Variants in RBM47 observed in about 807,000 individuals in gnomAD.
RBM47 encodes RNA-binding protein 47.
In RBM47, 21 loss-of-function variants were observed where a neutral mutation model predicts 47.1. The ratio of observed to expected loss-of-function variants is 0.45; its 90% CI spans 0.32 to 0.64. The LOEUF is 0.64. RBM47 is among the 30% of genes least tolerant of loss of function. RBM47 has a pLI of 0.05. For synonymous variants in RBM47, 375 were observed against 361.7 expected (o/e 1.04, Z -0.42); for missense variants, 708 against 870.9 (o/e 0.81, Z 2.35).
chr4:40,570,360 G>C (rs1298268611), intron 1 of RBM47, among the ~76,000 whole-genome samples: 1 of 151,800 alleles, frequency 6.6e-6, no homozygotes, highest in African/African-American at 2.4e-5. Flanking sequence ...ATGGGAGACA[G>C]TGACAGATCA....
intron 6 of RBM47, 105 bp downstream of exon 6, chr4:40,432,546 C>G: frequency 6.5e-7 from 1 of 1,546,248 alleles, no homozygotes; most frequent in Non-Finnish European, 8.7e-7. Flanking sequence ...ATAGCTGTAA[C>G]AGAGAGCCAG....
rs1185451149 is a variant in RBM47 at position 40,428,573 on chromosome 4, G to T, written c.1543-2430C>A. Among the ~76,000 whole-genome samples, 3 of 152,180 alleles carry T rather than the reference G, an allele frequency of 2.0e-5. No individual in the cohort carries two copies. In the South Asian group the frequency reaches 6.2e-4, roughly 32 times the overall value. The stretch of plus-strand genomic sequence containing the variant: ...TGTGGACGTAGGTTTAATAACCAGT[G>T]CAAAAAGGGAGAGGAAATGGCAGGG... On this transcript the variant is annotated intron_variant, in intron 6 of 6. Coordinates refer to ENST00000295971, the MANE Select transcript of RBM47 (RefSeq NM_001098634.2).
chr4:40,475,534 A>C (rs952298407), intron 2 of RBM47, among the ~76,000 whole-genome samples: 1 of 152,234 alleles, frequency 6.6e-6, no homozygotes, highest in East Asian at 1.9e-4. Context: ...ACTGTGCAGC[A>C]GTTGAAATTC....
intron 2 of RBM47, among the ~76,000 whole-genome samples, chr4:40,486,698 T>C (rs1364441300): frequency 6.6e-6 from 1 of 152,074 alleles, no homozygotes; most frequent in Non-Finnish European, 1.5e-5. Context: ...GGGGTGAGGG[T>C]TGGGTAGAGG....
intron 1 of RBM47, among the ~76,000 whole-genome samples, chr4:40,622,697 C>T (rs746114402): frequency 1.6e-4 from 24 of 152,164 alleles, no homozygotes; most frequent in Non-Finnish European, 1.6e-4. Flanking sequence ...GCCTGGCCAA[C>T]ATGGTGAAAC....
At chr4:40,586,686 T>C (rs1733620442) in intron 1 of RBM47, among the ~76,000 whole-genome samples, 1 of 150,830 alleles carries the variant, frequency 6.6e-6, no homozygotes, top group Non-Finnish European at 1.5e-5. Context: ...TGGTAATTGA[T>C]GAGCGCTGGC....
intron 3 of RBM47, 65 bp from the exon 4 acceptor site, chr4:40,438,989 C>A: frequency 1.5e-6 from 2 of 1,372,454 alleles, no homozygotes; most frequent in Middle Eastern, 2.6e-4. Context: ...GGTTGTGTTT[C>A]GCAGCCTTGC....
At chr4:40,448,463 G>A (rs1714900890) in intron 3 of RBM47, among the ~76,000 whole-genome samples, 1 of 152,134 alleles carries the variant, frequency 6.6e-6, no homozygotes, top group Non-Finnish European at 1.5e-5. Flanking sequence ...AAAATGTGTT[G>A]ATCCAAGAGA....
intron 1 of RBM47, among the ~76,000 whole-genome samples, chr4:40,580,095 T>A (rs1403145030): frequency 6.6e-6 from 1 of 152,124 alleles, no homozygotes; most frequent in Non-Finnish European, 1.5e-5. Context: ...TTGGTCTAAG[T>A]TCCAACATGC....
rs1738014270 is a variant in RBM47 at position 40,629,275 on chromosome 4, A to G, written c.-240+121T>C. On this transcript the variant is annotated intron_variant, in intron 1 of 6. Transcript: ENST00000295971. ...TATACCAAGAGACAGAAGATGAGTG[A>G]TAGCATGAGGGATAAGAGCTAAAGA... 2.0e-5 allele frequency: 3 copies of G among 152,208 alleles called. No homozygotes were observed. In the South Asian group the frequency reaches 6.2e-4, roughly 32 times the overall value. The allele number at this position is 152,208 out of a possible 1,614,324, so 9.4% of individuals were successfully genotyped here. A position where few individuals can be genotyped will look rare whatever the true frequency, so the allele number is the denominator to read the frequency against.
chr4:40,526,727 C>T (rs1726748558), intron 2 of RBM47, among the ~76,000 whole-genome samples: 1 of 148,406 alleles, frequency 6.7e-6, no homozygotes, highest in South Asian at 2.1e-4. Flanking sequence ...CTTCACTACA[C>T]TTGGCTAATT....
intron 2 of RBM47, among the ~76,000 whole-genome samples, chr4:40,532,757 A>G (rs528347741): frequency 6.7e-6 from 1 of 150,374 alleles, no homozygotes; most frequent in East Asian, 2.0e-4. Flanking sequence ...GATTTTTGAG[A>G]CCCCCTTCAA....
intron 1 of RBM47, among the ~76,000 whole-genome samples, chr4:40,612,297 C>A (rs376139830): frequency 6.6e-6 from 1 of 152,080 alleles, no homozygotes; most frequent in Non-Finnish European, 1.5e-5. Flanking sequence ...TTTGGAAGGC[C>A]GATGTGGGCA....
intron 1 of RBM47, among the ~76,000 whole-genome samples, chr4:40,547,347 C>T (rs1045278084): frequency 6.6e-6 from 1 of 152,152 alleles, no homozygotes; most frequent in African/African-American, 2.4e-5. Context: ...TGCAATATAA[C>T]CAGTGTCTTC....
At chr4:40,588,281 C>T (rs988981985) in intron 1 of RBM47, among the ~76,000 whole-genome samples, 2 of 152,198 alleles carry the variant, frequency 1.3e-5, no homozygotes, top group African/African-American at 4.8e-5. Flanking sequence ...CTTCCCAGGG[C>T]TCTATCATTT....
At chr4:40,535,387 T>TTTCTTTTTTTTTTTTTTTTTTTG (rs1727858469) in intron 2 of RBM47, among the ~76,000 whole-genome samples, 1 of 145,728 alleles carries the variant, frequency 6.9e-6, no homozygotes, top group Admixed American at 6.9e-5. Context: ...TTTTTTTTTT[T>TTTCTTTTTTTTTTTTTTTTTTTG]TTTGAGACGG....
intron 2 of RBM47, among the ~76,000 whole-genome samples, chr4:40,497,793 G>A (rs1722807430): frequency 6.7e-6 from 1 of 150,102 alleles, no homozygotes; most frequent in South Asian, 2.1e-4. Context: ...GGGCAACATA[G>A]GGAGACCCTG....
chr4:40,496,329 AACACACAC>A (rs10597716), intron 2 of RBM47, among the ~76,000 whole-genome samples: 3 of 129,246 alleles, frequency 2.3e-5, no homozygotes, highest in Admixed American at 7.8e-5. Flanking sequence ...GGAGAACTTA[AACACACAC>A]ACACACACAC....
intron 1 of RBM47, among the ~76,000 whole-genome samples, chr4:40,573,835 G>GAAAGAAAGAAAGAAAGAAAGAA (rs1553903569): frequency 1.5e-5 from 1 of 68,898 alleles, no homozygotes; most frequent in African/African-American, 1.5e-4. Context: ...AAGAAAGAAA[G>GAAAGAAAGAAAGAAAGAAAGAA]AGAAAGAAAG....
Sources: gnomAD v4.1 joint callset for allele counts (sites outside exome capture counted in the v4.1 genomes callset) on GRCh38, gnomAD v4.1.1 for gene constraint, MANE v1.5 for transcripts, NCBI Gene and HGNC (gene_info 2026-07-23, HGNC 2026-07-21) for gene names.